Variants in EDA2R observed in about 807,000 individuals in gnomAD.
EDA2R encodes tumor necrosis factor receptor superfamily member 27.
In EDA2R, 26 loss-of-function variants were observed where a neutral mutation model predicts 20.1. The ratio of observed to expected loss-of-function variants is 1.30; its 90% confidence interval spans 0.95 to 1.80. The LOEUF (loss-of-function observed/expected upper bound fraction) is 1.80. EDA2R is among the 40% of genes most tolerant of loss of function. The pLI, the probability that EDA2R is intolerant of heterozygous loss-of-function variation, is 0.00. For synonymous variants in EDA2R, 114 were observed against 88.7 expected, an observed-to-expected ratio of 1.29 and a Z score of -1.60; for missense variants, 277 against 228.7, an observed-to-expected ratio of 1.21 and a Z score of -1.36.
chrX:66,637,375 T>C (rs1028127522), intron 1 of EDA2R, among the ~76,000 whole-genome samples: 5 of 111,500 alleles, frequency 4.5e-5, no homozygotes, highest in African/African-American at 1.6e-4. Context: ...CCTATTCCAA[T>C]CCAGCTGACT....
At chrX:66,616,558 A>T (rs1028543007) in intron 1 of EDA2R, among the ~76,000 whole-genome samples, 1 of 112,560 alleles carries the variant, frequency 8.9e-6, no homozygotes, top group Non-Finnish European at 1.9e-5. Context: ...AAAAGCTGAA[A>T]CATTGTTTCT....
chrX:66,608,780 C>T (rs1213032921), intron 2 of EDA2R, among the ~76,000 whole-genome samples: 1 of 111,076 alleles, frequency 9.0e-6, no homozygotes, highest in African/African-American at 3.3e-5. Flanking sequence ...AATATGATTC[C>T]ACTTACATGA....
rs780697144 is a variant in EDA2R, at chrX:66,609,358, C to T, written c.88-4132G>A. Among the ~76,000 whole-genome samples, 12 of 111,487 alleles carry T rather than the reference C, an allele frequency of 1.1e-4. No homozygotes were observed. The East Asian group carries it at 2.3e-3, about 21-fold the overall frequency. ...TCGAAATACTCCTTCCATTCTGCCC[C>T]ATGTTTGCCCACTCAGGCTTTACTC... On this transcript the variant is annotated intron_variant, in intron 2 of 6. Transcript: ENST00000374719.
intron 1 of EDA2R, among the ~76,000 whole-genome samples, chrX:66,630,912 CAT>C (rs769612917): frequency 7.7e-4 from 84 of 109,166 alleles, no homozygotes; most frequent in African/African-American, 2.4e-3. Context: ...TATACACACA[CAT>C]GTACATGTGT....
intron 2 of EDA2R, among the ~76,000 whole-genome samples, chrX:66,607,511 G>A (rs1365980598): frequency 5.4e-5 from 6 of 111,173 alleles, no homozygotes; most frequent in Non-Finnish European, 1.1e-4. Context: ...CTACTCAGGT[G>A]GCTGAGATGG....
At chrX:66,626,856 A>C in intron 1 of EDA2R, among the ~76,000 whole-genome samples, 1 of 88,381 alleles carries the variant, frequency 1.1e-5, no homozygotes, top group South Asian at 8.0e-4. Flanking sequence ...AGGGGAGGGG[A>C]GGGAAAGTGT....
chrX:66,633,156 G>A (rs961091894), intron 1 of EDA2R, among the ~76,000 whole-genome samples: 1 of 112,289 alleles, frequency 8.9e-6, no homozygotes, highest in African/African-American at 3.2e-5. Flanking sequence ...CTAACCATAT[G>A]AGTCAATTGT....
At chrX:66,626,039 A>G (rs1447168513) in intron 1 of EDA2R, among the ~76,000 whole-genome samples, 1 of 111,695 alleles carries the variant, frequency 9.0e-6, no homozygotes, top group African/African-American at 3.3e-5. Flanking sequence ...AGACCTTCCC[A>G]CTGACAGAGC....
chrX:66,604,127 C>T (rs937544282), intron 4 of EDA2R, among the ~76,000 whole-genome samples: 3 of 111,416 alleles, frequency 2.7e-5, no homozygotes, highest in African/African-American at 9.8e-5. Flanking sequence ...TTGTGAAGTG[C>T]TTCCTAACAT....
At chrX:66,629,120 G>A (rs1219488167) in intron 1 of EDA2R, among the ~76,000 whole-genome samples, 1 of 111,625 alleles carries the variant, frequency 9.0e-6, no homozygotes, top group Non-Finnish European at 1.9e-5. Flanking sequence ...TGAAGAAAAA[G>A]CATTCAACAA....
chrX:66,636,079 T>A (rs917376285), intron 1 of EDA2R, among the ~76,000 whole-genome samples: 28 of 110,345 alleles, frequency 2.5e-4, no homozygotes, highest in South Asian at 3.9e-4. Flanking sequence ...TTTAAAAAAA[T>A]TTATATAGAC....
At chrX:66,628,193 G>T (rs943715662) in intron 1 of EDA2R, among the ~76,000 whole-genome samples, 1 of 111,124 alleles carries the variant, frequency 9.0e-6, no homozygotes, top group African/African-American at 3.3e-5. Flanking sequence ...GTGCTAAGAG[G>T]AAAGTTCATA....
chrX:66,638,079 C>T (rs1181880638), intron 1 of EDA2R, among the ~76,000 whole-genome samples: 2 of 111,906 alleles, frequency 1.8e-5, no homozygotes, highest in East Asian at 5.6e-4. Context: ...CTTTTAAAAC[C>T]TCTCTTGTGT....
intron 1 of EDA2R, among the ~76,000 whole-genome samples, chrX:66,617,156 G>C (rs1931847584): frequency 8.9e-6 from 1 of 111,980 alleles, no homozygotes; most frequent in Non-Finnish European, 1.9e-5. Flanking sequence ...CTCTTAGTCA[G>C]AAGAGACGAG....
Position 66,606,699 on chromosome X carries a change from C to T in EDA2R, c.88-1473G>A, listed in dbSNP as rs186484668. Among the ~76,000 whole-genome samples the T allele has an allele frequency of 4.4e-3, 495 of 112,199 alleles. 2 individuals are homozygous for T. In the Middle Eastern group the frequency reaches 0.046, roughly 10 times the overall value. ...ATTTTTACTTGTACTTGTTACATCC[C>T]TCACCCCAGAGCAGTGGCAGTCCTA... On this transcript the variant is annotated intron_variant, in intron 2 of 6. Coordinates refer to ENST00000374719, the MANE Select transcript of EDA2R (RefSeq NM_021783.5).
At chrX:66,601,268 C>T (rs192064901) in intron 5 of EDA2R, among the ~76,000 whole-genome samples, 1 of 111,709 alleles carries the variant, frequency 9.0e-6, no homozygotes, top group East Asian at 2.8e-4. Context: ...ACCCTGGAGT[C>T]CAAATGCTTC....
chrX:66,635,886 G>GA (rs1037726013), intron 1 of EDA2R, among the ~76,000 whole-genome samples: 5 of 111,406 alleles, frequency 4.5e-5, no homozygotes, highest in Non-Finnish European at 7.6e-5. Context: ...GCACATAGTG[G>GA]AAAAAATGAT....
At chrX:66,635,666 C>A (rs1170463318) in intron 1 of EDA2R, among the ~76,000 whole-genome samples, 1 of 112,197 alleles carries the variant, frequency 8.9e-6, no homozygotes, top group African/African-American at 3.2e-5. Context: ...TAAACCCTAA[C>A]AGCTGTGGAA....
At chrX:66,632,254 T>G (rs1933894134) in intron 1 of EDA2R, among the ~76,000 whole-genome samples, 1 of 111,353 alleles carries the variant, frequency 9.0e-6, no homozygotes, top group Admixed American at 9.5e-5. Context: ...CGAAAAACTG[T>G]ATCTACTAAA....
Sources: gnomAD v4.1 joint callset for allele counts (sites outside exome capture counted in the v4.1 genomes callset) on GRCh38, gnomAD v4.1.1 for gene constraint, MANE v1.5 for transcripts, NCBI Gene and HGNC (gene_info 2026-07-23, HGNC 2026-07-21) for gene names.